TTC19: variants seen among roughly 807,000 people sequenced by gnomAD.
The protein encoded by TTC19 is tetratricopeptide repeat domain 19, also known as tetratricopeptide repeat protein 19, mitochondrial.
Under a neutral mutation model 49.5 loss-of-function variants are expected in TTC19, and 38 were observed. The ratio of observed to expected loss-of-function variants is 0.77; its 90% CI spans 0.59 to 1.01. The LOEUF (loss-of-function observed/expected upper bound fraction) is 1.01, where lower values mean the gene tolerates loss of function less well. TTC19 is among the 50% of genes least tolerant of loss of function. The pLI, the probability that TTC19 is intolerant of heterozygous loss-of-function variation, is 0.00. For synonymous variants in TTC19, 204 were observed against 185.2 expected, an observed-to-expected ratio of 1.10 and a Z score of -0.83; for missense variants, 475 against 477.7, an observed-to-expected ratio of 0.99 and a Z score of 0.05.
At chr17:16,007,641 C>G (rs752834795) in intron 7 of TTC19, among the ~76,000 whole-genome samples, 39 of 152,158 alleles carry the variant, frequency 2.6e-4, no homozygotes, top group Non-Finnish European at 5.1e-4. Context: ...ACTGAGACTG[C>G]TGCTAAGTGA....
chr17:16,010,921 T>C (rs570992349), intron 7 of TTC19, among the ~76,000 whole-genome samples: 37 of 152,350 alleles, frequency 2.4e-4, no homozygotes, highest in Middle Eastern at 3.4e-3. Flanking sequence ...GTGTCTACAT[T>C]ATGAGTGTAT....
exon 3 of TTC19, chr17:16,044,642 G>C: frequency 1.6e-6 from 1 of 637,616 alleles, no homozygotes; most frequent in Non-Finnish European, 3.0e-6. Flanking sequence ...CTCCGAGCTC[G>C]CCTGCATCTA....
chr17:16,024,897 T>G, intron 7 of TTC19, 120 bp from the exon 8 acceptor site: 1 of 905,056 alleles, frequency 1.1e-6, no homozygotes, highest in East Asian at 2.4e-5. Flanking sequence ...GTCATTTAAC[T>G]GGATGTTAAT....
At chr17:16,002,984 A>T (rs1970787714) in intron 4 of TTC19, among the ~76,000 whole-genome samples, 153 bp downstream of exon 4, 1 of 152,216 alleles carries the variant, frequency 6.6e-6, no homozygotes, top group African/African-American at 2.4e-5. Flanking sequence ...TTATTGTGTT[A>T]GTCCAGAGAT....
intron 2 of TTC19, chr17:16,044,331 A>T (rs1316688785): frequency 6.4e-6 from 3 of 466,662 alleles, no homozygotes; most frequent in African/African-American, 2.0e-5. Flanking sequence ...ACACTGGCTC[A>T]TCCTTTTTTC....
At chr17:16,031,878 A>G (rs1972069733), downstream of TTC19, 1 of 235,184 alleles carries the variant, frequency 4.3e-6, no homozygotes, top group Non-Finnish European at 8.4e-6. Flanking sequence ...AGATTTTTAA[A>G]AATCACCCCC....
At position 16,025,139 on chromosome 17, in the gene TTC19, TC is replaced by T; in HGVS notation, c.800del (p.Ser267LeufsTer15). The T allele has an allele frequency of 1.9e-6, 3 of 1,614,050 alleles. No individual in the cohort carries two copies. Among genetic ancestry groups the T allele is most frequent in the Non-Finnish European group, 2.5e-6 (3 of 1,179,940 alleles). On this transcript the variant is annotated frameshift_variant, in exon 8 of 10. Coordinates refer to ENST00000261647, the MANE Select transcript of TTC19 (RefSeq NM_017775.4). LOFTEE classifies it high-confidence loss of function. ...GATGTATGAAAAAGCTCTGCAGATT[TC>T]TGAAGAAATACAAGGAGAAAGACAC... ...QRMYEKALQISEEIQGERHPQ... is the reference protein window; with the variant it reads ...QRMYEKALQIXEEIQGERHPQ...
chr17:16,003,723 G>A (rs1970811454), intron 4 of TTC19, 108 bp from the exon 5 acceptor site: 1 of 1,000,772 alleles, frequency 1.0e-6, no homozygotes. Flanking sequence ...TGGGTATATG[G>A]GTTTTACAAG....
At position 16,006,487 on chromosome 17, in the gene TTC19, G is replaced by A; in HGVS notation, c.595G>A (p.Val199Ile). Reference protein sequence around the residue: ...YAAQNRQEFAVAGYEFCISTL... With the variant: ...YAAQNRQEFAIAGYEFCISTL... The stretch of plus-strand genomic sequence containing the variant: ...TTTGCTTTACAGACAGGAATTTGCT[G>A]TTGCTGGCTATGAATTCTGCATTTC... Residue 199 changes from valine to isoleucine, a missense_variant, in exon 7 of 10, where the codon GTT becomes ATT. Physicochemically the swap from Val to Ile is conservative, Grantham distance 29 (BLOSUM62 3). Coordinates refer to ENST00000261647, the MANE Select transcript of TTC19 (RefSeq NM_017775.4). The A allele has an allele frequency of 6.2e-7, 1 of 1,611,698 alleles. No homozygotes were observed. Among genetic ancestry groups the A allele is most frequent in the Non-Finnish European group, 8.5e-7 (1 of 1,178,010 alleles).
At chr17:16,021,369 C>T (rs761789790) in intron 7 of TTC19, among the ~76,000 whole-genome samples, 1 of 152,214 alleles carries the variant, frequency 6.6e-6, no homozygotes, top group Non-Finnish European at 1.5e-5. Flanking sequence ...GCCTGGGCGA[C>T]AGAGTGAGAC....
chr17:16,020,483 TTG>T (rs1467250909), intron 7 of TTC19, among the ~76,000 whole-genome samples: 1 of 152,202 alleles, frequency 6.6e-6, no homozygotes, highest in African/African-American at 2.4e-5. Flanking sequence ...GATTAAAAAT[TTG>T]TATATTAACA....
chr17:16,032,570 G>T, downstream of TTC19: 1 of 1,299,604 alleles, frequency 7.7e-7, no homozygotes. Flanking sequence ...AGTAGAATAG[G>T]ATTATTGTAA....
Position 16,000,159 on chromosome 17 carries a change from G to C in TTC19, c.226G>C (p.Glu76Gln), listed in dbSNP as rs1156590212. The C allele has an allele frequency of 4.4e-6, 7 of 1,588,418 alleles. No homozygotes were observed. In the African/African-American group the frequency reaches 5.4e-5, roughly 12 times the overall value. The change falls in exon 2 of 10, where the codon GAG becomes CAG. Residue 76 changes from glutamate (E) to glutamine (Q), a missense_variant. Transcript: ENST00000261647. ...GAGGCCCGCTGCGGCAGAGGAGGAG[G>C]AGCAGCAGGGAGCCGACGGGGCCGC... ...FSRPAAAEEE[E>Q]QQGADGAAAE...
intron 7 of TTC19, among the ~76,000 whole-genome samples, chr17:16,015,249 C>T (rs559487120): frequency 8.5e-4 from 129 of 152,138 alleles, no homozygotes; most frequent in African/African-American, 3.0e-3. Context: ...GTTAATTCTC[C>T]GGCAGCTTTT....
At chr17:16,036,013 TC>T (rs1289486859) in intron 2 of TTC19, among the ~76,000 whole-genome samples, 4 of 152,216 alleles carry the variant, frequency 2.6e-5, no homozygotes, top group African/African-American at 9.6e-5. Flanking sequence ...AAATGGTGAA[TC>T]CTTTTCAGAA....
intron 2 of TTC19, among the ~76,000 whole-genome samples, chr17:16,036,680 C>T (rs1025767297): frequency 6.6e-6 from 1 of 152,216 alleles, no homozygotes; most frequent in Non-Finnish European, 1.5e-5. Flanking sequence ...CCTCTGCTAG[C>T]TTCAGCCTTC....
At chr17:16,039,758 G>C (rs1280907011) in intron 2 of TTC19, 5 of 1,033,954 alleles carry the variant, frequency 4.8e-6, no homozygotes, top group Non-Finnish European at 5.7e-6. Context: ...CACTTGGCAA[G>C]TGACCTAGAA....
intron 7 of TTC19, chr17:16,023,835 A>G (rs574843882): frequency 1.3e-4 from 20 of 152,348 alleles, no homozygotes; most frequent in Non-Finnish European, 1.5e-4. Context: ...GAAAAGTCTC[A>G]TTTTAGTAAC....
chr17:16,000,327 C>T (rs994705580), intron 2 of TTC19, 82 bp downstream of exon 2: 75 of 1,559,308 alleles, frequency 4.8e-5, no homozygotes, highest in Non-Finnish European at 6.0e-5. Flanking sequence ...GCATTACTCT[C>T]TCCGCCTCGC....
Sources: gnomAD v4.1 joint callset for allele counts (sites outside exome capture counted in the v4.1 genomes callset) on GRCh38, gnomAD v4.1.1 for gene constraint, MANE v1.5 for transcripts, NCBI Gene and HGNC (gene_info 2026-07-23, HGNC 2026-07-21) for gene names.